The following ITGA4 variants were observed in gnomAD, a reference collection of about 807,000 sequenced individuals.
The protein encoded by ITGA4 is integrin subunit alpha 4.
A neutral mutation model predicts 133.6 loss-of-function variants in ITGA4; 63 were observed. The ratio of observed to expected loss-of-function variants is 0.47; its 90% confidence interval spans 0.38 to 0.58. The LOEUF (loss-of-function observed/expected upper bound fraction) is 0.58, where lower values mean the gene tolerates loss of function less well. Ranked by LOEUF, ITGA4 falls within the 20% of genes least tolerant of loss-of-function variation. ITGA4 has a pLI of 0.00. For missense variants in ITGA4, 1,076 were observed against 1,252.7 expected (o/e 0.86, Z 2.13); for synonymous variants, 483 against 438.0 (o/e 1.10, Z -1.28).
intron 25 of ITGA4, among the ~76,000 whole-genome samples, chr2:181,533,974 G>A (rs372544043): frequency 2.0e-5 from 3 of 152,058 alleles, no homozygotes; most frequent in East Asian, 3.9e-4. Context: ...TTCAATATGC[G>A]GTGGTGGGGT....
chr2:181,458,376 C>A, intron 2 of ITGA4, 59 bp downstream of exon 2: 1 of 1,576,904 alleles, frequency 6.3e-7, no homozygotes. Flanking sequence ...TGGACCCCAC[C>A]ATAGGGCAAG....
chr2:181,480,306 A>T (rs773565704), intron 6 of ITGA4, 40 bp downstream of exon 6: 2 of 1,115,358 alleles, frequency 1.8e-6, no homozygotes, highest in Non-Finnish European at 2.5e-6. Flanking sequence ...TCTGTGCCTT[A>T]CAAATACTAG....
chr2:181,488,715 C>T (rs542483641), intron 10 of ITGA4, among the ~76,000 whole-genome samples: 4 of 151,818 alleles, frequency 2.6e-5, no homozygotes, highest in African/African-American at 9.7e-5. Context: ...CCCGCCACCA[C>T]CCCAGCTAAT....
chr2:181,493,217 A>G, intron 10 of ITGA4, 108 bp from the exon 11 acceptor site: 1 of 660,136 alleles, frequency 1.5e-6, no homozygotes, highest in South Asian at 2.0e-5. Context: ...ATTTTTCATA[A>G]AAGAGAGTTT....
intron 16 of ITGA4, among the ~76,000 whole-genome samples, chr2:181,511,442 A>C (rs1686504209): frequency 6.6e-6 from 1 of 152,008 alleles, no homozygotes; most frequent in Non-Finnish European, 1.5e-5. Flanking sequence ...TTTTTTCCAA[A>C]TCTTATTTCA....
At chr2:181,459,803 T>G (rs1685221364) in intron 2 of ITGA4, among the ~76,000 whole-genome samples, 1 of 152,220 alleles carries the variant, frequency 6.6e-6, no homozygotes, top group African/African-American at 2.4e-5. Flanking sequence ...CAATTTTATT[T>G]CTGTTGTCCT....
chr2:181,538,363 C>A lies in ITGA4; in HGVS notation c.*2836C>A. 1 of 642,856 alleles carries A rather than the reference C, an allele frequency of 1.6e-6. No homozygotes were observed. The highest frequency in any genetic ancestry group is 1.8e-5 in the South Asian group (1 of 54,456). 39.8% of individuals were successfully genotyped at this position (642,856 alleles called of 1,614,324 possible). A position where few individuals can be genotyped will look rare whatever the true frequency, so the allele number is the denominator to read the frequency against. On this transcript the variant is annotated 3_prime_UTR_variant, in exon 28 of 28. Transcript: ENST00000397033. ...TTGATAACAAACACAGCATTCCCAACAGAGCTGTAATCTAGAAAACTGAGA... is the reference window on the plus strand; with the variant it reads ...TTGATAACAAACACAGCATTCCCAAAAGAGCTGTAATCTAGAAAACTGAGA...
Position 181,526,821 on chromosome 2 carries a change from C to CTTTTTTTTTTTTTTTTTTTT in ITGA4, c.2340-463_2340-444dup, listed in dbSNP as rs538208494. Among the ~76,000 whole-genome samples the CTTTTTTTTTTTTTTTTTTTT allele has an allele frequency of 2.2e-3, 90 of 40,994 alleles. 27 individuals carry two copies. Among genetic ancestry groups the CTTTTTTTTTTTTTTTTTTTT allele is most frequent in the Middle Eastern group, 0.042 (1 of 24 alleles). The allele number at this position is 40,994 out of a possible 152,430, so 26.9% of individuals were successfully genotyped here. A position where few individuals can be genotyped will look rare whatever the true frequency, so the allele number is the denominator to read the frequency against. On this transcript the variant is annotated intron_variant, in intron 21 of 27. Coordinates refer to ENST00000397033, the MANE Select transcript of ITGA4 (RefSeq NM_000885.6). ...TGTCACCCAGGTCAGAGCACATGGCCTTTTTTTTTTTTTTTTTTTTTTTTT... is the reference window on the plus strand; with the variant it reads ...TGTCACCCAGGTCAGAGCACATGGCCTTTTTTTTTTTTTTTTTTTTTTTTTTTTTTTTTTTTTTTTTTTTT...
chr2:181,501,436 A>G (rs1246193559), intron 15 of ITGA4, among the ~76,000 whole-genome samples: 1 of 152,216 alleles, frequency 6.6e-6, no homozygotes, highest in African/African-American at 2.4e-5. Context: ...GATCTATAAC[A>G]GCATTTTGGC....
intron 14 of ITGA4, among the ~76,000 whole-genome samples, chr2:181,496,293 A>G (rs1161911547): frequency 1.3e-5 from 2 of 152,176 alleles, no homozygotes; most frequent in Non-Finnish European, 2.9e-5. Flanking sequence ...GAGGAAAGCC[A>G]GGCATGGTAG....
Position 181,495,510 on chromosome 2 carries a change from ATGATGCTC to A in ITGA4, c.1385+96_1385+103del. On this transcript the variant is annotated intron_variant, in intron 13 of 27. Transcript: ENST00000397033. This position sits in a 1 kb window ranked among gnomAD's most constrained non-coding sequence, Gnocchi z 4.3. ...TAAAATCAGCAGTGGTAGTGACCTC[ATGATGCTC>A]TTTTGGTATTCTGAAGCTTAATTAT... is the stretch of plus-strand genomic sequence containing the variant. The A allele has an allele frequency of 1.1e-6, 1 of 918,802 alleles. No homozygotes were observed. Among genetic ancestry groups the A allele is most frequent in the Non-Finnish European group, 1.8e-6 (1 of 556,712 alleles). 56.9% of individuals were successfully genotyped at this position (918,802 alleles called of 1,614,324 possible). A position where few individuals can be genotyped will look rare whatever the true frequency, so the allele number is the denominator to read the frequency against.
At position 181,495,934 on chromosome 2, in the gene ITGA4, A is replaced by ATTGG. The variant is rs1686147658; in HGVS notation, c.1539_1540+2dup. 6.2e-7 allele frequency: 1 copy of ATTGG among 1,613,548 alleles called. No individual in the cohort carries two copies. Among genetic ancestry groups the ATTGG allele is most frequent in the Non-Finnish European group, 8.5e-7 (1 of 1,179,768 alleles). ...TAAGGGCAAGGAAGTTCCAGGTTACATTGGTGGGTATGCCCTACAATATTA... is the reference window on the plus strand; with the variant it reads ...TAAGGGCAAGGAAGTTCCAGGTTACATTGGTTGGTGGGTATGCCCTACAATATTA... On this transcript the variant is annotated frameshift_variant, in exon 14 of 28. Coordinates refer to ENST00000397033, the MANE Select transcript of ITGA4 (RefSeq NM_000885.6). LOFTEE classifies it high-confidence loss of function. This position sits in a 1 kb window ranked among gnomAD's most constrained non-coding sequence, Gnocchi z 4.3.
At chr2:181,520,116 TGA>T (rs1338356629) in intron 17 of ITGA4, among the ~76,000 whole-genome samples, 4 of 152,020 alleles carry the variant, frequency 2.6e-5, no homozygotes, top group Non-Finnish European at 4.4e-5. Context: ...CCGTGTGCTT[TGA>T]GAGAGGGAGA....
At chr2:181,473,009 T>G (rs990029726) in intron 2 of ITGA4, among the ~76,000 whole-genome samples, 2 of 152,240 alleles carry the variant, frequency 1.3e-5, no homozygotes, top group African/African-American at 4.8e-5. Context: ...CTCCCTTCAG[T>G]CTAGTTCTCC....
rs754462051 is a variant in ITGA4 at position 181,486,014 on chromosome 2, G to A, written c.1153+22G>A. The A allele has an allele frequency of 7.1e-5, 111 of 1,568,180 alleles. No individual in the cohort carries two copies. In the Middle Eastern group the frequency reaches 1.7e-3, roughly 24 times the overall value. On this transcript the variant is annotated intron_variant, in intron 10 of 27. Coordinates refer to ENST00000397033, the MANE Select transcript of ITGA4 (RefSeq NM_000885.6). ...GAAGGTAATTAAAATTATCAAATTG[G>A]TACTTGATTTCTGCTTTTAAAATGG...
intron 20 of ITGA4, 87 bp downstream of exon 20, chr2:181,524,337 C>A: frequency 1.4e-6 from 1 of 719,308 alleles, no homozygotes; most frequent in Non-Finnish European, 2.2e-6. Flanking sequence ...AACTGTGTTC[C>A]ATTAATTGTA....
intron 2 of ITGA4, among the ~76,000 whole-genome samples, chr2:181,467,441 C>T (rs1685446408): frequency 6.6e-6 from 1 of 152,082 alleles, no homozygotes; most frequent in Non-Finnish European, 1.5e-5. Context: ...ATTAGAAAGT[C>T]CCAAGCTCTC....
chr2:181,471,123 T>C (rs1685539747), intron 2 of ITGA4, among the ~76,000 whole-genome samples: 1 of 152,232 alleles, frequency 6.6e-6, no homozygotes, highest in African/African-American at 2.4e-5. Flanking sequence ...TGTGGAAGAA[T>C]GATTGTTTCA....
At chr2:181,518,887 G>A (rs556683066) in intron 17 of ITGA4, among the ~76,000 whole-genome samples, 1 of 151,922 alleles carries the variant, frequency 6.6e-6, no homozygotes, top group East Asian at 1.9e-4. Flanking sequence ...AACTTAGGCT[G>A]GTTGTGAAAG....
Sources: allele counts gnomAD v4.1 joint callset (sites outside exome capture counted in the v4.1 genomes callset), GRCh38; gene constraint gnomAD v4.1.1; non-coding constraint Gnocchi (gnomAD v3.1); transcripts MANE v1.5; gene names NCBI Gene and HGNC (gene_info 2026-07-23, HGNC 2026-07-21).